Variants in NSF observed in about 807,000 individuals in gnomAD.
The protein encoded by NSF is N-ethylmaleimide sensitive factor, vesicle fusing ATPase, also known as vesicle-fusing ATPase.
NSF carries 14 observed loss-of-function variants against 50.3 expected under a neutral mutation model. The ratio of observed to expected loss-of-function variants is 0.28; its 90% CI spans 0.18 to 0.44. The LOEUF (loss-of-function observed/expected upper bound fraction) is 0.44. Ranked by LOEUF, NSF falls within the 20% of genes least tolerant of loss-of-function variation. The pLI is 1.00. For synonymous variants in NSF, 109 were observed against 175.7 expected, an observed-to-expected ratio of 0.62 and a Z score of 3.00; for missense variants, 218 against 504.3, an observed-to-expected ratio of 0.43 and a Z score of 5.44.
At chr17:46,696,317 C>A (rs2058594601) in intron 12 of NSF, among the ~76,000 whole-genome samples, 1 of 139,982 alleles carries the variant, frequency 7.1e-6, no homozygotes, top group Non-Finnish European at 1.5e-5. Flanking sequence ...GAGTTAATAC[C>A]CCGACTGCAA....
chr17:46,724,032 A>G (rs181723039), intron 15 of NSF, among the ~76,000 whole-genome samples: 411 of 152,254 alleles, frequency 2.7e-3, no homozygotes, highest in Admixed American at 5.9e-3. Flanking sequence ...CACTGCATTG[A>G]CACCAACACC....
At chr17:46,738,205 A>G (rs2059029754) in intron 17 of NSF, among the ~76,000 whole-genome samples, 1 of 152,124 alleles carries the variant, frequency 6.6e-6, no homozygotes, top group Non-Finnish European at 1.5e-5. Flanking sequence ...GAGTGCTGGG[A>G]TTACAGGTGT....
chr17:46,713,793 T>C, intron 14 of NSF, 60 bp from the exon 15 acceptor site: 1 of 1,559,644 alleles, frequency 6.4e-7, no homozygotes, highest in Non-Finnish European at 8.7e-7. Flanking sequence ...TTTAAACTTG[T>C]TTTATTTCCC....
At chr17:46,727,997 T>G (rs188058656) in intron 16 of NSF, among the ~76,000 whole-genome samples, 85 of 146,234 alleles carry the variant, frequency 5.8e-4, no homozygotes, top group East Asian at 1.6e-3. Flanking sequence ...GGATATTCTG[T>G]TTTTTTTTTT....
At chr17:46,675,596 A>T (rs1452878037) in intron 9 of NSF, among the ~76,000 whole-genome samples, 2 of 131,480 alleles carry the variant, frequency 1.5e-5, no homozygotes, top group Non-Finnish European at 3.1e-5. Flanking sequence ...ATGTGGGTGT[A>T]TATGCATACA....
At chr17:46,738,961 C>T (rs973286331) in intron 17 of NSF, among the ~76,000 whole-genome samples, 8 of 151,834 alleles carry the variant, frequency 5.3e-5, no homozygotes, top group African/African-American at 1.9e-4. Flanking sequence ...AAAGTCCAGG[C>T]ACGGTGGCTC....
intron 14 of NSF, among the ~76,000 whole-genome samples, chr17:46,712,112 G>A (rs141915748): frequency 7.4e-4 from 112 of 152,306 alleles, no homozygotes; most frequent in African/African-American, 2.4e-3. Flanking sequence ...AGAGACTAAT[G>A]GTTAGAAGCA....
intron 14 of NSF, among the ~76,000 whole-genome samples, chr17:46,712,470 G>A (rs367810965): frequency 7.0e-4 from 106 of 152,308 alleles, no homozygotes; most frequent in African/African-American, 2.4e-3. Context: ...TACATAGCCC[G>A]ATAAATGGTG....
intron 15 of NSF, among the ~76,000 whole-genome samples, chr17:46,714,277 G>A (rs199438): frequency 0.3 from 45,906 of 152,098 alleles, 7,705 homozygotes; most frequent in East Asian, 0.61. Context: ...ATAGTTGAAA[G>A]TGTTTGAATA....
intron 19 of NSF, among the ~76,000 whole-genome samples, chr17:46,753,335 T>C (rs1157211820): frequency 6.6e-6 from 1 of 152,244 alleles, no homozygotes; most frequent in African/African-American, 2.4e-5. Context: ...AAACGTGAAG[T>C]GAATGCTTTT....
At chr17:46,735,480 AG>A (rs1287087638) in intron 17 of NSF, among the ~76,000 whole-genome samples, 1 of 151,850 alleles carries the variant, frequency 6.6e-6, no homozygotes, top group Non-Finnish European at 1.5e-5. Context: ...AAAAAAAAAA[AG>A]AAACCTATGT....
intron 18 of NSF, among the ~76,000 whole-genome samples, chr17:46,750,460 T>G (rs2059171244): frequency 6.6e-6 from 1 of 152,230 alleles, no homozygotes; most frequent in Non-Finnish European, 1.5e-5. Context: ...AAATCTGAAA[T>G]GCTTCAGTGA....
intron 17 of NSF, among the ~76,000 whole-genome samples, chr17:46,734,487 A>G (rs1368157188): frequency 1.3e-5 from 2 of 152,082 alleles, no homozygotes; most frequent in African/African-American, 4.8e-5. Flanking sequence ...CTCTTTAGGT[A>G]TACTTTGCTT....
chr17:46,718,485 G>T (rs1011591628), intron 15 of NSF, among the ~76,000 whole-genome samples: 2 of 152,102 alleles, frequency 1.3e-5, no homozygotes, highest in African/African-American at 4.8e-5. Flanking sequence ...AATGGTGCAT[G>T]TACTCCATAA....
At chr17:46,744,847 A>G (rs748017671) in intron 17 of NSF, among the ~76,000 whole-genome samples, 17 of 152,180 alleles carry the variant, frequency 1.1e-4, no homozygotes, top group Non-Finnish European at 2.4e-4. Context: ...AAATGTTTTC[A>G]CCTGAGTTGC....
intron 9 of NSF, among the ~76,000 whole-genome samples, chr17:46,687,595 G>A (rs1409944564): frequency 6.6e-6 from 1 of 150,778 alleles, no homozygotes; most frequent in Non-Finnish European, 1.5e-5. Flanking sequence ...CCTCATTTAT[G>A]TACCATTATT....
At chr17:46,605,887 C>T (rs1328059505) in intron 1 of NSF, among the ~76,000 whole-genome samples, 2 of 38,886 alleles carry the variant, frequency 5.1e-5, no homozygotes, top group African/African-American at 3.4e-4. Context: ...TGGTGGCTCA[C>T]GCCTGTAATC....
rs1857787728 is a variant in NSF at position 46,757,370 on chromosome 17, A to C, written c.*1547A>C. 1 of 152,618 alleles carries C rather than the reference A, an allele frequency of 6.6e-6. No individual in the cohort carries two copies. The highest frequency in any genetic ancestry group is 1.5e-5 in the Non-Finnish European group (1 of 68,042). The allele number at this position is 152,618 out of a possible 1,614,324, so 9.5% of individuals were successfully genotyped here. On this transcript the variant is annotated 3_prime_UTR_variant, in exon 21 of 21. Coordinates refer to ENST00000398238, the MANE Select transcript of NSF (RefSeq NM_006178.4). ...GTTAACTTATGTCTCTTGTTAAATGAGCTTAATGTCTTTGTGTTTTGTCCA... is the reference window on the plus strand; with the variant it reads ...GTTAACTTATGTCTCTTGTTAAATGCGCTTAATGTCTTTGTGTTTTGTCCA...
chr17:46,599,541 TTAACA>T (rs2057896685), intron 1 of NSF, among the ~76,000 whole-genome samples: 1 of 111,712 alleles, frequency 9.0e-6, no homozygotes, highest in Admixed American at 1.1e-4. Flanking sequence ...TTAAGAAATG[TTAACA>T]TATGATATCT....
Sources: gnomAD v4.1 joint callset for allele counts (sites outside exome capture counted in the v4.1 genomes callset) on GRCh38, gnomAD v4.1.1 for gene constraint, MANE v1.5 for transcripts, NCBI Gene and HGNC (gene_info 2026-07-23, HGNC 2026-07-21) for gene names.